Variants in CA10 observed in about 807,000 individuals in gnomAD.
The protein encoded by CA10 is carbonic anhydrase-related protein 10.
In CA10, 14 loss-of-function variants were observed where a neutral mutation model predicts 44.2. That is an observed-to-expected ratio of 0.32 (90% CI 0.21 to 0.50). CA10 has a LOEUF of 0.50. Among genes scored for constraint, CA10 ranks in the 20% least tolerant of loss-of-function variants. The pLI, the probability that CA10 is intolerant of heterozygous loss-of-function variation, is 0.99. For missense variants in CA10, 350 were observed against 409.7 expected (o/e 0.85, Z 1.26); for synonymous variants, 159 against 141.6 (o/e 1.12, Z -0.87).
At chr17:51,729,696 A>G (rs1916650257) in intron 4 of CA10, among the ~76,000 whole-genome samples, 1 of 152,242 alleles carries the variant, frequency 6.6e-6, no homozygotes, top group African/African-American at 2.4e-5. Context: ...CTAAAGAGGC[A>G]TATGCATCAT....
chr17:51,817,930 G>T (rs1056122630), intron 3 of CA10, among the ~76,000 whole-genome samples: 3 of 152,216 alleles, frequency 2.0e-5, no homozygotes, highest in Admixed American at 6.5e-5. Flanking sequence ...AGCTGGAATT[G>T]TAACCTAGCT....
intron 2 of CA10, among the ~76,000 whole-genome samples, chr17:52,068,644 A>G (rs1040301880): frequency 2.0e-5 from 3 of 152,216 alleles, no homozygotes; most frequent in African/African-American, 7.2e-5. Context: ...AAGTGGCTCA[A>G]GCAGTAAGAA....
At chr17:51,790,712 C>T (rs1834876966) in intron 3 of CA10, among the ~76,000 whole-genome samples, 2 of 152,194 alleles carry the variant, frequency 1.3e-5, no homozygotes, top group Non-Finnish European at 2.9e-5. Flanking sequence ...CAAATTCATT[C>T]TGTTACCATG....
chr17:51,967,548 T>G (rs949336247), intron 2 of CA10, among the ~76,000 whole-genome samples: 26 of 151,956 alleles, frequency 1.7e-4, no homozygotes, highest in African/African-American at 6.3e-4. Context: ...GTAACATAGA[T>G]GCACCTGGAG....
At chr17:51,907,531 C>T in intron 3 of CA10, among the ~76,000 whole-genome samples, 1 of 151,914 alleles carries the variant, frequency 6.6e-6, no homozygotes, top group East Asian at 1.9e-4. Flanking sequence ...TGACCAGATC[C>T]CTCTTCGAGG....
chr17:51,933,379 G>A (rs1007427913), intron 2 of CA10, among the ~76,000 whole-genome samples: 1 of 152,054 alleles, frequency 6.6e-6, no homozygotes, highest in African/African-American at 2.4e-5. Flanking sequence ...CAGGAGAGAA[G>A]ATAATACTCT....
At chr17:51,751,727 G>T (rs138320069) in intron 3 of CA10, among the ~76,000 whole-genome samples, 10 of 152,308 alleles carry the variant, frequency 6.6e-5, no homozygotes, top group African/African-American at 2.4e-4. Flanking sequence ...ATTTTAAGGT[G>T]CTAGACATGA....
At chr17:51,801,702 T>G (rs559279170) in intron 3 of CA10, among the ~76,000 whole-genome samples, 1 of 152,242 alleles carries the variant, frequency 6.6e-6, no homozygotes, top group South Asian at 2.1e-4. Flanking sequence ...TCTGGATGAT[T>G]CCAGGTGTAG....
chr17:51,719,442 A>G (rs897405500), intron 4 of CA10, among the ~76,000 whole-genome samples: 1 of 152,226 alleles, frequency 6.6e-6, no homozygotes, highest in African/African-American at 2.4e-5. Flanking sequence ...GTAGCCCAGC[A>G]TCTAATACAA....
chr17:51,912,092 T>A (rs1981811697), intron 3 of CA10, among the ~76,000 whole-genome samples: 1 of 152,150 alleles, frequency 6.6e-6, no homozygotes, highest in South Asian at 2.1e-4. Context: ...TTCACCATGT[T>A]ATATGTAGCA....
rs1989846303 is a variant in CA10 at position 52,158,008 on chromosome 17, A to T, written c.-222T>A. ...CGGGCTCGACGGATGTGCGCCCCAG[A>T]TGTGCTGACACATGTCCGATGCCTC... On this transcript the variant is annotated 5_prime_UTR_variant, in exon 1 of 9. Transcript: ENST00000451037. The T allele has an allele frequency of 6.7e-6, 4 of 593,664 alleles. No homozygotes were observed. The East Asian group carries it at 8.6e-5, about 13-fold the overall frequency. The allele number at this position is 593,664 out of a possible 1,614,324, so 36.8% of individuals were successfully genotyped here.
intron 3 of CA10, among the ~76,000 whole-genome samples, chr17:51,862,096 C>T (rs937257991): frequency 2.6e-4 from 39 of 152,138 alleles, no homozygotes; most frequent in African/African-American, 9.2e-4. Flanking sequence ...TTAATGTTTG[C>T]CTTAATTTTC....
At chr17:52,064,080 T>G (rs1485775801) in intron 2 of CA10, among the ~76,000 whole-genome samples, 1 of 152,132 alleles carries the variant, frequency 6.6e-6, no homozygotes, top group African/African-American at 2.4e-5. Context: ...ATAGGGAGAT[T>G]TAAAGTAAGT....
chr17:52,027,376 G>A (rs551268417), intron 2 of CA10, among the ~76,000 whole-genome samples: 2 of 152,176 alleles, frequency 1.3e-5, no homozygotes, highest in African/African-American at 4.8e-5. Context: ...GGGTGGGGGT[G>A]TTGGAGACCC....
chr17:51,798,300 G>T (rs564701333), intron 3 of CA10, among the ~76,000 whole-genome samples: 1 of 152,338 alleles, frequency 6.6e-6, no homozygotes, highest in South Asian at 2.1e-4. Context: ...AGACCCTAAA[G>T]CTTTAGAGAT....
At chr17:51,902,609 A>C (rs1981367628) in intron 3 of CA10, among the ~76,000 whole-genome samples, 2 of 152,176 alleles carry the variant, frequency 1.3e-5, no homozygotes, top group South Asian at 4.1e-4. Flanking sequence ...ACAACAGCTT[A>C]TCTGGGAGCC....
At chr17:51,953,533 G>A (rs1397551988) in intron 2 of CA10, among the ~76,000 whole-genome samples, 3 of 151,578 alleles carry the variant, frequency 2.0e-5, no homozygotes, top group African/African-American at 2.4e-5. Context: ...ATTGCAATAC[G>A]TTTGTAGATT....
intron 4 of CA10, among the ~76,000 whole-genome samples, chr17:51,717,859 A>G (rs796832816): frequency 5.9e-5 from 6 of 102,136 alleles, no homozygotes; most frequent in African/African-American, 2.0e-4. Flanking sequence ...ATATATATAT[A>G]TATATATATA....
intron 4 of CA10, among the ~76,000 whole-genome samples, chr17:51,682,413 A>C (rs1271939054): frequency 2.0e-5 from 3 of 152,122 alleles, no homozygotes; most frequent in Non-Finnish European, 2.9e-5. Flanking sequence ...GACAAGACTG[A>C]TTATATGGGG....
Sources: gnomAD v4.1 joint callset for allele counts (sites outside exome capture counted in the v4.1 genomes callset) on GRCh38, gnomAD v4.1.1 for gene constraint, MANE v1.5 for transcripts, NCBI Gene and HGNC (gene_info 2026-07-23, HGNC 2026-07-21) for gene names.